Variants in RBM6 observed in about 807,000 individuals in gnomAD.
RBM6 encodes the protein RNA binding motif protein 6.
Under a neutral mutation model 140.4 loss-of-function variants are expected in RBM6, and 23 were observed. That is an observed-to-expected ratio of 0.16 (90% CI 0.12 to 0.23). The LOEUF (loss-of-function observed/expected upper bound fraction) is 0.23. RBM6 is among the 10% of genes least tolerant of loss of function. The pLI, the probability that RBM6 is intolerant of heterozygous loss-of-function variation, is 1.00. For synonymous variants in RBM6, 439 were observed against 475.6 expected, an observed-to-expected ratio of 0.92 and a Z score of 1.00; for missense variants, 1,139 against 1,386.7, an observed-to-expected ratio of 0.82 and a Z score of 2.84.
chr3:50,046,242 CTG>C (rs2108874024), intron 6 of RBM6, among the ~76,000 whole-genome samples: 1 of 129,826 alleles, frequency 7.7e-6, no homozygotes, highest in Non-Finnish European at 1.6e-5. Context: ...GATCGTGCCA[CTG>C]TACTTGAGAG....
At chr3:50,073,205 CT>C (rs974346799) in intron 19 of RBM6, among the ~76,000 whole-genome samples, 1 of 152,196 alleles carries the variant, frequency 6.6e-6, no homozygotes, top group African/African-American at 2.4e-5. Context: ...GTCTTGCCCC[CT>C]GTCTTAGTCT....
intron 19 of RBM6, among the ~76,000 whole-genome samples, chr3:50,071,270 A>G (rs2090290234): frequency 6.6e-6 from 1 of 152,186 alleles, no homozygotes; most frequent in Non-Finnish European, 1.5e-5. Flanking sequence ...GAGTGACAGT[A>G]GATAAGCCTG....
At chr3:50,016,886 T>G (rs1239242442) in intron 6 of RBM6, among the ~76,000 whole-genome samples, 1 of 145,692 alleles carries the variant, frequency 6.9e-6, no homozygotes, top group Non-Finnish European at 1.5e-5. Flanking sequence ...AGTGCAGTGG[T>G]ATGACCTCGG....
chr3:50,045,786 T>C (rs1276263021), intron 6 of RBM6, among the ~76,000 whole-genome samples: 2 of 152,204 alleles, frequency 1.3e-5, no homozygotes, highest in Non-Finnish European at 2.9e-5. Flanking sequence ...CTAAGCTCTT[T>C]ACATGTATGA....
chr3:49,972,393 C>T (rs2084838497), intron 4 of RBM6, among the ~76,000 whole-genome samples: 1 of 152,092 alleles, frequency 6.6e-6, no homozygotes, highest in South Asian at 2.1e-4. Context: ...CATGCACTCA[C>T]TGAGGTGAGG....
At chr3:50,066,720 C>T (rs1483893242) in intron 17 of RBM6, among the ~76,000 whole-genome samples, 3 of 151,978 alleles carry the variant, frequency 2.0e-5, no homozygotes, top group African/African-American at 4.8e-5. Context: ...CCCAGCCACT[C>T]GGGAGGCTGA....
chr3:50,013,980 A>G (rs141934400), intron 6 of RBM6, among the ~76,000 whole-genome samples: 1 of 152,282 alleles, frequency 6.6e-6, no homozygotes, highest in East Asian at 1.9e-4. Context: ...ATGCTGCTAA[A>G]CATCCTACAG....
At chr3:50,017,185 AT>A (rs1292003417) in intron 6 of RBM6, among the ~76,000 whole-genome samples, 3 of 151,944 alleles carry the variant, frequency 2.0e-5, no homozygotes, top group Admixed American at 1.3e-4. Flanking sequence ...TTTGTCATAT[AT>A]TTTTTGGCAA....
intron 19 of RBM6, among the ~76,000 whole-genome samples, chr3:50,071,928 A>G (rs548143872): frequency 6.6e-6 from 1 of 151,344 alleles, no homozygotes; most frequent in Non-Finnish European, 1.5e-5. Context: ...TACTAAAAAT[A>G]TAACAATTAG....
chr3:50,066,192 C>A, intron 16 of RBM6, 50 bp from the exon 17 acceptor site: 1 of 1,538,378 alleles, frequency 6.5e-7, no homozygotes, highest in Non-Finnish European at 8.7e-7. Flanking sequence ...AAAAATGGAC[C>A]CCAAAATATA....
chr3:49,948,219 A>G (rs1320004007), intron 1 of RBM6, among the ~76,000 whole-genome samples: 2 of 152,204 alleles, frequency 1.3e-5, no homozygotes, highest in Non-Finnish European at 2.9e-5. Context: ...CTGTAGCTAA[A>G]TGGTACACTT....
chr3:49,969,288 G>A (rs970668008), intron 3 of RBM6, among the ~76,000 whole-genome samples: 7 of 146,840 alleles, frequency 4.8e-5, no homozygotes, highest in African/African-American at 1.7e-4. Context: ...CTCCCAAAGT[G>A]CTGGAATTAC....
At chr3:50,068,867 C>T in intron 18 of RBM6, 103 bp downstream of exon 18, 1 of 1,002,790 alleles carries the variant, frequency 1.0e-6, no homozygotes, top group Non-Finnish European at 1.5e-6. Flanking sequence ...AGATGGAGAA[C>T]AAAAGCAGCC....
chr3:49,974,673 A>AT (rs55872898), intron 4 of RBM6, among the ~76,000 whole-genome samples: 1,374 of 72,444 alleles, frequency 0.019, 83 homozygotes, highest in African/African-American at 0.074. Flanking sequence ...TGCCCGGCCA[A>AT]TTTTTTTTTT....
intron 5 of RBM6, among the ~76,000 whole-genome samples, chr3:49,976,271 A>C (rs1183746506): frequency 6.6e-6 from 1 of 152,156 alleles, no homozygotes; most frequent in Non-Finnish European, 1.5e-5. Flanking sequence ...CATGGGATAA[A>C]AATTTTGCAT....
chr3:49,969,079 C>G (rs181238983), intron 3 of RBM6, among the ~76,000 whole-genome samples: 5 of 150,990 alleles, frequency 3.3e-5, no homozygotes, highest in Middle Eastern at 3.4e-3. Context: ...GGCTAGAGTG[C>G]AGTGACATAA....
chr3:49,975,460 C>T (rs915509137), intron 5 of RBM6, 68 bp downstream of exon 5: 4 of 1,318,878 alleles, frequency 3.0e-6, no homozygotes, highest in African/African-American at 3.0e-5. Context: ...GCATCATGTG[C>T]TACTTAAAAT....
intron 19 of RBM6, among the ~76,000 whole-genome samples, chr3:50,072,083 CAAAAAAAAA>C (rs974465674): frequency 2.4e-5 from 1 of 41,460 alleles, no homozygotes; most frequent in African/African-American, 9.1e-5. Context: ...GACTCTGTCT[CAAAAAAAAA>C]AAAAAAAAAA....
At chr3:49,964,075 AT>A (rs1017024324) in intron 2 of RBM6, among the ~76,000 whole-genome samples, 39 of 145,250 alleles carry the variant, frequency 2.7e-4, no homozygotes, top group South Asian at 2.2e-4. Context: ...TAATTATTGT[AT>A]TTTTTTTTTT....
Sources: gnomAD v4.1 joint callset for allele counts (sites outside exome capture counted in the v4.1 genomes callset) on GRCh38, gnomAD v4.1.1 for gene constraint, MANE v1.5 for transcripts, NCBI Gene and HGNC (gene_info 2026-07-23, HGNC 2026-07-21) for gene names.